The following CNTN3 variants were observed in gnomAD, a reference collection of about 807,000 sequenced individuals.
CNTN3 encodes contactin 3.
A neutral mutation model predicts 119.1 loss-of-function variants in CNTN3; 60 were observed. That is an observed-to-expected ratio of 0.50 (90% CI 0.41 to 0.62). The LOEUF (loss-of-function observed/expected upper bound fraction) is 0.62, where lower values mean the gene tolerates loss of function less well. Among genes scored for constraint, CNTN3 ranks in the 20% least tolerant of loss-of-function variants. The pLI is 0.00. For synonymous variants in CNTN3, 450 were observed against 438.7 expected (o/e 1.03, Z -0.32); for missense variants, 1,101 against 1,242.4 (o/e 0.89, Z 1.71).
intron 4 of CNTN3, among the ~76,000 whole-genome samples, chr3:74,482,930 G>A (rs1223579808): frequency 6.6e-6 from 1 of 152,058 alleles, no homozygotes. Context: ...TACTCATATA[G>A]TAATTATCTT....
chr3:74,301,637 C>T lies in CNTN3; in HGVS notation c.1945+10G>A, dbSNP rs573780352. On this transcript the variant is annotated intron_variant, in intron 15 of 22. Transcript: ENST00000263665. Reference sequence around the variant, plus strand: ...ATGTGTGCAGATGACATCTGCCTCTCCTGCTTTACCTGTTGTGACGGTTTG... The same window carrying T: ...ATGTGTGCAGATGACATCTGCCTCTTCTGCTTTACCTGTTGTGACGGTTTG... 8.7e-6 allele frequency: 14 copies of T among 1,613,724 alleles called. No homozygotes were observed. Among genetic ancestry groups the T allele is most frequent in the Middle Eastern group, 1.7e-4 (1 of 6,054 alleles).
At chr3:74,593,655 G>A (rs1704741675) in intron 1 of CNTN3, among the ~76,000 whole-genome samples, 2 of 151,948 alleles carry the variant, frequency 1.3e-5, no homozygotes, top group African/African-American at 2.4e-5. Flanking sequence ...TTATACAGAT[G>A]AGGAAACTGA....
chr3:74,529,634 G>T (rs1703666119), intron 1 of CNTN3, among the ~76,000 whole-genome samples: 2 of 151,726 alleles, frequency 1.3e-5, no homozygotes, highest in South Asian at 4.2e-4. Flanking sequence ...TTACACTAGT[G>T]TTCACAGTGG....
intron 4 of CNTN3, among the ~76,000 whole-genome samples, chr3:74,434,227 C>A (rs1277804268): frequency 6.6e-6 from 1 of 152,166 alleles, no homozygotes; most frequent in African/African-American, 2.4e-5. Context: ...AAAGTGGGTA[C>A]AATATCCACT....
At chr3:74,596,365 G>A (rs1704809906) in intron 1 of CNTN3, among the ~76,000 whole-genome samples, 1 of 152,066 alleles carries the variant, frequency 6.6e-6, no homozygotes, top group African/African-American at 2.4e-5. Flanking sequence ...CCAAAAAAGA[G>A]CCCACATCAC....
intron 5 of CNTN3, among the ~76,000 whole-genome samples, chr3:74,391,963 C>G (rs1347351133): frequency 2.0e-5 from 3 of 152,076 alleles, no homozygotes; most frequent in Non-Finnish European, 4.4e-5. Flanking sequence ...CAGACTCCCA[C>G]ACTTAGAGTC....
chr3:74,428,282 T>C (rs1360500913), intron 4 of CNTN3, among the ~76,000 whole-genome samples: 3 of 151,980 alleles, frequency 2.0e-5, no homozygotes, highest in African/African-American at 7.3e-5. Flanking sequence ...AAAAAAAGGT[T>C]AACCATAAAA....
intron 7 of CNTN3, 140 bp downstream of exon 7, chr3:74,369,749 C>A (rs1704291052): frequency 1.7e-6 from 1 of 578,910 alleles, no homozygotes; most frequent in Admixed American, 3.8e-5. Context: ...ATGTGCATTT[C>A]CCCTGCATTT....
At chr3:74,377,173 A>G (rs1343672015) in intron 5 of CNTN3, among the ~76,000 whole-genome samples, 1 of 152,134 alleles carries the variant, frequency 6.6e-6, no homozygotes, top group Non-Finnish European at 1.5e-5. Context: ...CATGAGAGGT[A>G]TGGAGAAATT....
At chr3:74,448,481 C>G (rs1702087992) in intron 4 of CNTN3, among the ~76,000 whole-genome samples, 1 of 152,092 alleles carries the variant, frequency 6.6e-6, no homozygotes, top group Admixed American at 6.6e-5. Flanking sequence ...AAGCAAACAA[C>G]TCAGAAATAT....
At chr3:74,272,046 T>C (rs1701787734) in intron 20 of CNTN3, among the ~76,000 whole-genome samples, 1 of 152,164 alleles carries the variant, frequency 6.6e-6, no homozygotes, top group South Asian at 2.1e-4. Context: ...ATATGTGAGA[T>C]TATAAACTAT....
At chr3:74,493,969 G>A (rs1703013440) in intron 3 of CNTN3, among the ~76,000 whole-genome samples, 1 of 152,054 alleles carries the variant, frequency 6.6e-6, no homozygotes, top group South Asian at 2.1e-4. Context: ...ACAGATTAGA[G>A]AGCCACATTG....
chr3:74,528,095 T>G (rs1703645169), intron 1 of CNTN3, among the ~76,000 whole-genome samples: 1 of 151,874 alleles, frequency 6.6e-6, no homozygotes, highest in Admixed American at 6.6e-5. Flanking sequence ...CCATGATCTC[T>G]TCTTTTCCAA....
At chr3:74,451,435 T>A (rs1364344840) in intron 4 of CNTN3, among the ~76,000 whole-genome samples, 2 of 152,284 alleles carry the variant, frequency 1.3e-5, no homozygotes, top group East Asian at 3.9e-4. Context: ...GATGAGTAGG[T>A]TGTGAAAATT....
chr3:74,595,499 G>C (rs539766525), intron 1 of CNTN3, among the ~76,000 whole-genome samples: 3 of 152,156 alleles, frequency 2.0e-5, no homozygotes, highest in Non-Finnish European at 4.4e-5. Context: ...CCATGATCAA[G>C]TGGGCTTCAT....
intron 4 of CNTN3, among the ~76,000 whole-genome samples, chr3:74,427,778 C>T (rs1043830365): frequency 6.6e-6 from 1 of 152,040 alleles, no homozygotes; most frequent in Non-Finnish European, 1.5e-5. Flanking sequence ...CTCAAAACTA[C>T]TCACAATTGT....
At chr3:74,527,931 GC>G (rs1399999162) in intron 1 of CNTN3, among the ~76,000 whole-genome samples, 1 of 151,848 alleles carries the variant, frequency 6.6e-6, no homozygotes, top group Non-Finnish European at 1.5e-5. Context: ...ACTGTCTAAT[GC>G]TTTTCCAAGG....
chr3:74,410,434 A>G (rs995729104), intron 5 of CNTN3, among the ~76,000 whole-genome samples: 8 of 152,206 alleles, frequency 5.3e-5, no homozygotes, highest in African/African-American at 1.7e-4. Context: ...TTAACATGTC[A>G]TGTTTATACC....
intron 5 of CNTN3, among the ~76,000 whole-genome samples, chr3:74,401,291 T>TA (rs1240362867): frequency 6.6e-6 from 1 of 152,120 alleles, no homozygotes; most frequent in Non-Finnish European, 1.5e-5. Context: ...ATGTTCATAC[T>TA]AAAAAAGAGA....
Sources: allele counts gnomAD v4.1 joint callset (sites outside exome capture counted in the v4.1 genomes callset), GRCh38; gene constraint gnomAD v4.1.1; transcripts MANE v1.5; gene names NCBI Gene and HGNC (gene_info 2026-07-23, HGNC 2026-07-21).